Variants in ITFG1 observed in about 807,000 individuals in gnomAD.
ITFG1 encodes integrin alpha FG-GAP repeat containing 1, also known as T-cell immunomodulatory protein.
Under a neutral mutation model 81.8 loss-of-function variants are expected in ITFG1, and 34 were observed. The ratio of observed to expected loss-of-function variants is 0.42; its 90% confidence interval spans 0.32 to 0.55. The LOEUF (loss-of-function observed/expected upper bound fraction) is 0.55. Among genes scored for constraint, ITFG1 ranks in the 20% least tolerant of loss-of-function variants. ITFG1 has a pLI of 0.17. For missense variants in ITFG1, 672 were observed against 755.4 expected (o/e 0.89, Z 1.29); for synonymous variants, 285 against 270.6 (o/e 1.05, Z -0.52).
At chr16:47,272,748 A>G (rs1478915531) in intron 10 of ITFG1, among the ~76,000 whole-genome samples, 1 of 151,952 alleles carries the variant, frequency 6.6e-6, no homozygotes, top group Non-Finnish European at 1.5e-5. Context: ...GGTGAATTGT[A>G]TGGTGTGTGA....
intron 14 of ITFG1, among the ~76,000 whole-genome samples, chr16:47,209,921 G>A (rs966826804): frequency 3.3e-5 from 5 of 152,160 alleles, no homozygotes; most frequent in Non-Finnish European, 7.4e-5. Flanking sequence ...TTCATGGCAT[G>A]GATGTACCAA....
Position 47,323,698 on chromosome 16 carries a change from C to A in ITFG1, c.803-9875G>T, listed in dbSNP as rs946983039. ...CTGTTCTGAGATTCCCCTCTTCTCT[C>A]CAATATGTGAATCAAGGTAAAAGCT... On this transcript the variant is annotated intron_variant, in intron 8 of 17. Transcript: ENST00000320640. Among the ~76,000 whole-genome samples the A allele has an allele frequency of 4.6e-5, 7 of 152,026 alleles. No homozygotes were observed. In the East Asian group the frequency reaches 1.2e-3, roughly 25 times the overall value.
chr16:47,451,756 T>C (rs1969392608), intron 4 of ITFG1, among the ~76,000 whole-genome samples: 1 of 152,238 alleles, frequency 6.6e-6, no homozygotes, highest in Admixed American at 6.5e-5. Flanking sequence ...GGCTCTCTGA[T>C]GGCCTGACTC....
intron 6 of ITFG1, among the ~76,000 whole-genome samples, chr16:47,427,803 G>A (rs1969042553): frequency 6.6e-6 from 1 of 152,174 alleles, no homozygotes; most frequent in Non-Finnish European, 1.5e-5. Flanking sequence ...GAAAATCTGG[G>A]CATTTTGAAT....
intron 6 of ITFG1, among the ~76,000 whole-genome samples, chr16:47,402,596 GGAT>G (rs1350667274): frequency 2.0e-5 from 3 of 152,098 alleles, no homozygotes; most frequent in Non-Finnish European, 2.9e-5. Flanking sequence ...TATCCCTCTG[GGAT>G]GACAAATATC....
At chr16:47,439,795 A>G (rs554389772) in intron 5 of ITFG1, among the ~76,000 whole-genome samples, 33 of 152,342 alleles carry the variant, frequency 2.2e-4, no homozygotes, top group South Asian at 4.1e-4. Context: ...CAAAATAACC[A>G]GCTAACATCA....
chr16:47,301,772 A>T (rs1054082011), intron 10 of ITFG1, among the ~76,000 whole-genome samples: 4 of 152,312 alleles, frequency 2.6e-5, no homozygotes, highest in Non-Finnish European at 5.9e-5. Flanking sequence ...TTTGACAGAG[A>T]ATCAATTATA....
Position 47,184,180 on chromosome 16 carries a change from T to C in ITFG1, c.1454-21516A>G, listed in dbSNP as rs552808830. Among the ~76,000 whole-genome samples, 3 of 152,218 alleles carry C rather than the reference T, an allele frequency of 2.0e-5. No individual in the cohort carries two copies. The South Asian group carries it at 6.2e-4, about 32-fold the overall frequency. On this transcript the variant is annotated intron_variant, in intron 14 of 17. Transcript: ENST00000320640. ...GTGTACCTGAAAGTGACGGGGAGAA[T>C]GGAACCAAGTTGGAAAACATTCTGC... is the stretch of plus-strand genomic sequence containing the variant.
rs545045531 is a variant in ITFG1 at position 47,323,136 on chromosome 16, T to A, written c.803-9313A>T. On this transcript the variant is annotated intron_variant, in intron 8 of 17. Transcript: ENST00000320640. ...GTCCCCTCCAAAACTCATGTTGAAATTTAATGCCTAATGAGGCACTATTGA... is the reference window on the plus strand; with the variant it reads ...GTCCCCTCCAAAACTCATGTTGAAAATTAATGCCTAATGAGGCACTATTGA... Among the ~76,000 whole-genome samples, 5 of 152,236 alleles carry A rather than the reference T, an allele frequency of 3.3e-5. No homozygotes were observed. The South Asian group carries it at 1.0e-3, about 32-fold the overall frequency.
chr16:47,354,926 G>A (rs1341973780), intron 8 of ITFG1, among the ~76,000 whole-genome samples: 1 of 151,990 alleles, frequency 6.6e-6, no homozygotes, highest in Non-Finnish European at 1.5e-5. Context: ...AGGGAACCCT[G>A]ACATATTGTT....
At chr16:47,191,090 T>A (rs1965286864) in intron 14 of ITFG1, among the ~76,000 whole-genome samples, 1 of 152,222 alleles carries the variant, frequency 6.6e-6, no homozygotes, top group South Asian at 2.1e-4. Context: ...AATAATGGTA[T>A]GAATACTGGG....
intron 5 of ITFG1, among the ~76,000 whole-genome samples, chr16:47,436,908 A>G (rs1490671737): frequency 6.6e-6 from 1 of 152,180 alleles, no homozygotes; most frequent in Non-Finnish European, 1.5e-5. Context: ...AAATAACTAT[A>G]AGCACCACTA....
chr16:47,265,112 T>C (rs1966260507), intron 10 of ITFG1, among the ~76,000 whole-genome samples: 1 of 151,902 alleles, frequency 6.6e-6, no homozygotes, highest in Non-Finnish European at 1.5e-5. Flanking sequence ...GCTATTATTA[T>C]TATTATTATT....
chr16:47,182,396 A>AC (rs1965138160), intron 14 of ITFG1, among the ~76,000 whole-genome samples: 1 of 152,030 alleles, frequency 6.6e-6, no homozygotes, highest in Non-Finnish European at 1.5e-5. Flanking sequence ...CAAAAAAAAA[A>AC]AAAGAAAATA....
chr16:47,295,343 C>A (rs775773519), intron 10 of ITFG1, among the ~76,000 whole-genome samples: 1 of 152,070 alleles, frequency 6.6e-6, no homozygotes, highest in African/African-American at 2.4e-5. Flanking sequence ...AGGGAAGATT[C>A]CCTTCTCCTT....
intron 8 of ITFG1, among the ~76,000 whole-genome samples, chr16:47,358,240 A>G (rs1968065665): frequency 6.6e-6 from 1 of 152,228 alleles, no homozygotes; most frequent in South Asian, 2.1e-4. Flanking sequence ...ATAGGAGCAG[A>G]GTAGGCTAAG....
At chr16:47,433,478 T>C (rs970277778) in intron 5 of ITFG1, among the ~76,000 whole-genome samples, 1 of 152,164 alleles carries the variant, frequency 6.6e-6, no homozygotes, top group East Asian at 1.9e-4. Flanking sequence ...TCTGGTTTCC[T>C]TCCTGGCGCC....
chr16:47,250,482 T>C (rs937428211), intron 12 of ITFG1, among the ~76,000 whole-genome samples: 2 of 151,978 alleles, frequency 1.3e-5, no homozygotes, highest in African/African-American at 2.4e-5. Flanking sequence ...TGTGACATGA[T>C]GGATATGTTA....
intron 5 of ITFG1, among the ~76,000 whole-genome samples, chr16:47,431,429 G>A (rs1288791158): frequency 6.6e-6 from 1 of 152,172 alleles, no homozygotes; most frequent in Non-Finnish European, 1.5e-5. Context: ...AATGCCTGAT[G>A]ATCTGAGGTG....
Sources: allele counts gnomAD v4.1 joint callset (sites outside exome capture counted in the v4.1 genomes callset), GRCh38; gene constraint gnomAD v4.1.1; transcripts MANE v1.5; gene names NCBI Gene and HGNC (gene_info 2026-07-23, HGNC 2026-07-21).